Variants in TMCO4 observed in about 807,000 individuals in gnomAD.
TMCO4 encodes the protein transmembrane and coiled-coil domains 4, also known as transmembrane and coiled-coil domain-containing protein 4.
Under a neutral mutation model 64.7 loss-of-function variants are expected in TMCO4, and 58 were observed. The observed-to-expected ratio is 0.90, with a 90% CI of 0.73 to 1.12. TMCO4 has a LOEUF of 1.12. Among genes scored for constraint, TMCO4 ranks in the 50% most tolerant of loss-of-function variants. The pLI is 0.00. For missense variants in TMCO4, 780 were observed against 825.9 expected, an observed-to-expected ratio of 0.94 and a Z score of 0.68; for synonymous variants, 325 against 346.1, an observed-to-expected ratio of 0.94 and a Z score of 0.68.
At chr1:19,722,802 T>C (rs974470833) in intron 13 of TMCO4, among the ~76,000 whole-genome samples, 2 of 152,150 alleles carry the variant, frequency 1.3e-5, no homozygotes, top group African/African-American at 4.8e-5. Context: ...GCACAAGCTC[T>C]GACCCTGGGG....
chr1:19,710,270 A>ATTTT lies in TMCO4; in HGVS notation c.1265-9389_1265-9386dup, dbSNP rs11310431. ...TACAGGTGTGTGTTACCATGCCCCC[A>ATTTT]TTTTTTTTTTTTTTGGATTTTTAGT... On this transcript the variant is annotated intron_variant, in intron 13 of 15. Coordinates refer to ENST00000294543, the MANE Select transcript of TMCO4 (RefSeq NM_181719.7). Among the ~76,000 whole-genome samples the ATTTT allele has an allele frequency of 1.5e-3, 210 of 138,490 alleles. 1 individual carries two copies. Among genetic ancestry groups the ATTTT allele is most frequent in the Admixed American group, 4.1e-3 (57 of 13,756 alleles). The allele number at this position is 138,490 out of a possible 152,430, so 90.9% of individuals were successfully genotyped here.
At chr1:19,718,754 G>T (rs946667575) in intron 13 of TMCO4, among the ~76,000 whole-genome samples, 53 of 151,760 alleles carry the variant, frequency 3.5e-4, no homozygotes, top group Middle Eastern at 3.4e-3. Context: ...GACGGACTCT[G>T]TTCCAGTCTG....
intron 13 of TMCO4, among the ~76,000 whole-genome samples, chr1:19,713,249 G>A (rs568480534): frequency 1.3e-5 from 2 of 152,264 alleles, no homozygotes; most frequent in African/African-American, 4.8e-5. Context: ...GGGAATTATG[G>A]CCGTTTTTTG....
At chr1:19,779,423 T>G (rs2043355562) in intron 4 of TMCO4, among the ~76,000 whole-genome samples, 2 of 152,224 alleles carry the variant, frequency 1.3e-5, no homozygotes, top group Non-Finnish European at 2.9e-5. Flanking sequence ...GCCTCCTAAC[T>G]GGCCCCCTCC....
intron 6 of TMCO4, among the ~76,000 whole-genome samples, chr1:19,763,833 G>C (rs546360801): frequency 6.6e-6 from 1 of 152,354 alleles, no homozygotes; most frequent in South Asian, 2.1e-4. Flanking sequence ...CCATTGCTGA[G>C]CACTGGGTTG....
At chr1:19,747,685 CCAATTTCCTCCAAAATGA>C (rs1157306578) in intron 7 of TMCO4, among the ~76,000 whole-genome samples, 1 of 152,130 alleles carries the variant, frequency 6.6e-6, no homozygotes, top group East Asian at 1.9e-4. Flanking sequence ...TATTTGGAAA[CCAATTTCCTCCAAAATGA>C]TCATTTTGAA....
chr1:19,704,976 T>C (rs1179971796), intron 13 of TMCO4, among the ~76,000 whole-genome samples: 5 of 152,136 alleles, frequency 3.3e-5, no homozygotes, highest in Non-Finnish European at 7.3e-5. Context: ...GATGTACCCT[T>C]AGATTTTAAA....
Position 19,755,764 on chromosome 1 carries a change from GC to G in TMCO4, c.384del (p.His129ThrfsTer13). ...AGGACTCTGGCCCGGGCGTCATAGT[GC>G]CCTCGAAAGACAGAAACAACACCGG... Reference protein sequence around the residue: ...QDLLSFSLKDGHYDARARVLV... With the variant: ...QDLLSFSLKDXHYDARARVLV... On this transcript the variant is annotated frameshift_variant and splice_region_variant, in exon 7 of 16. Transcript: ENST00000294543. LOFTEE classifies it high-confidence loss of function. 1 of 1,614,008 alleles carries G rather than the reference GC, an allele frequency of 6.2e-7. No individual in the cohort carries two copies. Among genetic ancestry groups the G allele is most frequent in the Non-Finnish European group, 8.5e-7 (1 of 1,179,994 alleles).
intron 2 of TMCO4, among the ~76,000 whole-genome samples, chr1:19,790,249 T>C (rs553960857): frequency 1.3e-5 from 2 of 152,094 alleles, no homozygotes; most frequent in South Asian, 2.1e-4. Flanking sequence ...ATTCAGCACA[T>C]AGGCACAGGC....
intron 13 of TMCO4, among the ~76,000 whole-genome samples, chr1:19,722,662 T>C (rs1482543944): frequency 1.3e-5 from 2 of 152,292 alleles, no homozygotes. Flanking sequence ...TGCAAATGGC[T>C]ACAGCAGGTG....
At chr1:19,788,234 G>A (rs375772495) in intron 2 of TMCO4, among the ~76,000 whole-genome samples, 25 of 152,106 alleles carry the variant, frequency 1.6e-4, no homozygotes, top group Non-Finnish European at 2.6e-4. Context: ...GAGTCCAATC[G>A]TGTTAAAGCA....
intron 13 of TMCO4, among the ~76,000 whole-genome samples, chr1:19,721,066 A>G (rs1181445804): frequency 2.6e-5 from 4 of 152,202 alleles, no homozygotes; most frequent in Admixed American, 6.5e-5. Flanking sequence ...CTCCAACCTC[A>G]GAGGAATGCT....
intron 13 of TMCO4, 184 bp from the exon 14 acceptor site, chr1:19,701,069 T>C (rs966047069): frequency 1.8e-6 from 1 of 560,178 alleles, no homozygotes; most frequent in Non-Finnish European, 3.1e-6. Context: ...TGGATAGGCA[T>C]GGAGGCTTCT....
intron 13 of TMCO4, among the ~76,000 whole-genome samples, chr1:19,728,324 C>A (rs1365504642): frequency 6.6e-6 from 1 of 152,232 alleles, no homozygotes; most frequent in Non-Finnish European, 1.5e-5. Context: ...GGAGGCAGAA[C>A]TACTGGCCCC....
intron 14 of TMCO4, among the ~76,000 whole-genome samples, chr1:19,696,893 C>A (rs1327875765): frequency 6.6e-6 from 1 of 152,220 alleles, no homozygotes; most frequent in Non-Finnish European, 1.5e-5. Context: ...TGGGCCTTCA[C>A]TGGCATTCAA....
chr1:19,748,949 GT>G (rs1306204848), intron 7 of TMCO4, among the ~76,000 whole-genome samples: 1 of 152,188 alleles, frequency 6.6e-6, no homozygotes. Flanking sequence ...ACCTCAACAG[GT>G]TTTTTTCCTA....
At chr1:19,713,299 A>G (rs2095340284) in intron 13 of TMCO4, among the ~76,000 whole-genome samples, 1 of 152,194 alleles carries the variant, frequency 6.6e-6, no homozygotes. Flanking sequence ...TGTCTGAAAC[A>G]CTGCAACATA....
intron 13 of TMCO4, among the ~76,000 whole-genome samples, chr1:19,730,552 A>C (rs1438912528): frequency 6.6e-6 from 1 of 152,238 alleles, no homozygotes; most frequent in Non-Finnish European, 1.5e-5. Context: ...CCTGCCCTCA[A>C]GGGGCTTGCA....
intron 11 of TMCO4, 68 bp from the exon 12 acceptor site, chr1:19,740,028 C>A: frequency 6.6e-7 from 1 of 1,513,260 alleles, no homozygotes; most frequent in Admixed American, 2.1e-5. Context: ...AAGTGACTGG[C>A]TAACAGATGC....
Sources: gnomAD v4.1 joint callset for allele counts (sites outside exome capture counted in the v4.1 genomes callset) on GRCh38, gnomAD v4.1.1 for gene constraint, MANE v1.5 for transcripts, NCBI Gene and HGNC (gene_info 2026-07-23, HGNC 2026-07-21) for gene names.